The following NAALADL2 variants were observed in gnomAD, a reference collection of about 807,000 sequenced individuals.
The protein encoded by NAALADL2 is N-acetylated alpha-linked acidic dipeptidase like 2, also known as inactive N-acetylated-alpha-linked acidic dipeptidase-like protein 2.
A neutral mutation model predicts 87.2 loss-of-function variants in NAALADL2; 76 were observed. The ratio of observed to expected loss-of-function variants is 0.87; its 90% confidence interval spans 0.72 to 1.05. NAALADL2 has a LOEUF of 1.05. Ranked by LOEUF, NAALADL2 falls within the 50% of genes least tolerant of loss-of-function variation. The probability of loss-of-function intolerance (pLI) is 0.00; values close to 1 mark genes in which losing one functional copy is unlikely to be tolerated. For synonymous variants in NAALADL2, 354 were observed against 331.0 expected (o/e 1.07, Z -0.75); for missense variants, 1,089 against 945.8 (o/e 1.15, Z -1.99).
chr3:175,221,197 T>TAAA (rs1560184158), intron 2 of NAALADL2, among the ~76,000 whole-genome samples: 1 of 54,780 alleles, frequency 1.8e-5, no homozygotes, highest in Admixed American at 1.9e-4. Context: ...AGACTCCGTT[T>TAAA]TAAAAAAAAA....
intron 1 of NAALADL2, among the ~76,000 whole-genome samples, chr3:175,045,550 C>G (rs1754565829): frequency 6.6e-6 from 1 of 152,126 alleles, no homozygotes; most frequent in South Asian, 2.1e-4. Context: ...AACAAGTTAG[C>G]CTCCCATAGT....
intron 2 of NAALADL2, among the ~76,000 whole-genome samples, chr3:175,107,860 C>G (rs1281883365): frequency 1.3e-5 from 2 of 151,678 alleles, no homozygotes; most frequent in African/African-American, 2.4e-5. Context: ...AATGCTTAAT[C>G]ATTTTCTTCA....
chr3:175,530,401 T>C (rs1157857426), intron 9 of NAALADL2, among the ~76,000 whole-genome samples: 1 of 152,198 alleles, frequency 6.6e-6, no homozygotes, highest in African/African-American at 2.4e-5. Flanking sequence ...TGAATCAGTA[T>C]GTCATCAAGC....
At chr3:174,600,777 A>C (rs1198397074) in intron 2 of NAALADL2, among the ~76,000 whole-genome samples, 1 of 152,022 alleles carries the variant, frequency 6.6e-6, no homozygotes, top group Non-Finnish European at 1.5e-5. Context: ...GTGATGGGGG[A>C]GGCACCAAAC....
chr3:175,454,724 TG>T (rs1254608874), intron 6 of NAALADL2, among the ~76,000 whole-genome samples: 1 of 152,082 alleles, frequency 6.6e-6, no homozygotes, highest in Non-Finnish European at 1.5e-5. Flanking sequence ...GTATTTTATT[TG>T]GCATTATAAG....
rs115571013 is a variant in NAALADL2, at chr3:175,726,635, C to A, written c.1897-10671C>A. Among the ~76,000 whole-genome samples, 372 of 152,228 alleles carry A rather than the reference C, an allele frequency of 2.4e-3. 2 individuals carry two copies. Among genetic ancestry groups the A allele is most frequent in the African/African-American group, 8.7e-3 (361 of 41,554 alleles). On this transcript the variant is annotated intron_variant, in intron 11 of 13. Coordinates refer to ENST00000454872, the MANE Select transcript of NAALADL2 (RefSeq NM_207015.3). ...CAGTGGTAGCTGACTTGATAATGTG[C>A]TTTCTATTGGCGGTCTTGTCTTCCT... is the stretch of plus-strand genomic sequence containing the variant.
intron 5 of NAALADL2, among the ~76,000 whole-genome samples, chr3:175,396,119 A>G (rs1297576198): frequency 6.6e-6 from 1 of 152,182 alleles, no homozygotes; most frequent in Non-Finnish European, 1.5e-5. Flanking sequence ...CATATATGTG[A>G]CAAATATCTT....
intron 5 of NAALADL2, among the ~76,000 whole-genome samples, chr3:175,326,832 T>A (rs1247537164): frequency 6.6e-6 from 1 of 152,198 alleles, no homozygotes; most frequent in Non-Finnish European, 1.5e-5. Context: ...TACTTCATGA[T>A]CCAATCGCCT....
chr3:175,565,289 T>A (rs577852994), intron 9 of NAALADL2, among the ~76,000 whole-genome samples: 45 of 152,216 alleles, frequency 3.0e-4, no homozygotes, highest in Non-Finnish European at 5.6e-4. Context: ...TGCATTATCA[T>A]CTAATATGAT....
intron 2 of NAALADL2, among the ~76,000 whole-genome samples, chr3:174,680,765 A>G (rs1457359415): frequency 6.6e-6 from 1 of 152,190 alleles, no homozygotes; most frequent in Non-Finnish European, 1.5e-5. Flanking sequence ...AAATAAGGAG[A>G]AGGAGGAGCA....
At chr3:175,327,699 C>G (rs1416322215) in intron 5 of NAALADL2, among the ~76,000 whole-genome samples, 2 of 148,836 alleles carry the variant, frequency 1.3e-5, no homozygotes, top group Non-Finnish European at 3.0e-5. Context: ...GGGTAGCAAA[C>G]TATGGGAAGA....
At chr3:175,276,297 A>AT (rs10645974) in intron 4 of NAALADL2, among the ~76,000 whole-genome samples, 5,857 of 133,558 alleles carry the variant, frequency 0.044, 241 homozygotes, top group African/African-American at 0.089. Flanking sequence ...CGCTTTGCAA[A>AT]TTTTTTTTTT....
chr3:175,481,334 A>ATT (rs1726426405), intron 9 of NAALADL2, among the ~76,000 whole-genome samples: 1 of 134,390 alleles, frequency 7.4e-6, no homozygotes, highest in Non-Finnish European at 1.5e-5. Flanking sequence ...TAACAATGCC[A>ATT]CTGTGTGTGT....
At chr3:175,554,711 T>G (rs1002905976) in intron 9 of NAALADL2, among the ~76,000 whole-genome samples, 1 of 152,118 alleles carries the variant, frequency 6.6e-6, no homozygotes, top group Non-Finnish European at 1.5e-5. Flanking sequence ...TAGAAATCAT[T>G]TAAAAATCTT....
chr3:175,253,880 G>T (rs950763950), intron 3 of NAALADL2, among the ~76,000 whole-genome samples: 2 of 152,148 alleles, frequency 1.3e-5, no homozygotes, highest in Non-Finnish European at 2.9e-5. Context: ...TGACTAAATT[G>T]TTGCAATGTC....
chr3:175,781,612 T>G (rs1428267159), intron 13 of NAALADL2, among the ~76,000 whole-genome samples: 2 of 151,252 alleles, frequency 1.3e-5, no homozygotes, highest in Admixed American at 1.3e-4. Context: ...ACTGATCCTG[T>G]GTAGGCCTGG....
chr3:174,981,668 A>G (rs1745133785), intron 1 of NAALADL2, among the ~76,000 whole-genome samples: 1 of 152,204 alleles, frequency 6.6e-6, no homozygotes, highest in Non-Finnish European at 1.5e-5. Flanking sequence ...GCTTCGGATC[A>G]TGATAAAAAA....
chr3:175,792,771 G>A (rs147706327), intron 13 of NAALADL2, among the ~76,000 whole-genome samples: 2 of 152,302 alleles, frequency 1.3e-5, no homozygotes, highest in African/African-American at 4.8e-5. Context: ...GATCGATGCA[G>A]TATTGCAATC....
intron 3 of NAALADL2, among the ~76,000 whole-genome samples, chr3:174,823,387 T>G (rs187359481): frequency 6.6e-6 from 1 of 152,218 alleles, no homozygotes; most frequent in African/African-American, 2.4e-5. Flanking sequence ...GCAAATACTT[T>G]ATATTTCTTG....
Sources: allele counts gnomAD v4.1 joint callset (sites outside exome capture counted in the v4.1 genomes callset), GRCh38; gene constraint gnomAD v4.1.1; transcripts MANE v1.5; gene names NCBI Gene and HGNC (gene_info 2026-07-23, HGNC 2026-07-21).